GNG12: variants seen among roughly 807,000 people sequenced by gnomAD.
The protein encoded by GNG12 is G protein subunit gamma 12, also known as guanine nucleotide-binding protein G(I)/G(S)/G(O) subunit gamma-12.
For missense variants in GNG12, 69 were observed against 83.8 expected, an observed-to-expected ratio of 0.82 and a Z score of 0.69; for synonymous variants, 28 against 29.7, an observed-to-expected ratio of 0.94 and a Z score of 0.19.
chr1:67,806,912 A>G (rs563106439), intron 1 of GNG12, among the ~76,000 whole-genome samples: 6 of 152,166 alleles, frequency 3.9e-5, no homozygotes, highest in Non-Finnish European at 7.4e-5. Flanking sequence ...AGTTGAACTT[A>G]ATGGCACTAC....
intron 1 of GNG12, among the ~76,000 whole-genome samples, chr1:67,808,952 T>C (rs1378204741): frequency 6.6e-6 from 1 of 152,104 alleles, no homozygotes; most frequent in East Asian, 1.9e-4. Context: ...ATCTAAAGTA[T>C]TACGAAGAAG....
At chr1:67,815,998 G>A (rs1646951027) in intron 1 of GNG12, among the ~76,000 whole-genome samples, 1 of 152,166 alleles carries the variant, frequency 6.6e-6, no homozygotes, top group Non-Finnish European at 1.5e-5. Flanking sequence ...AGGGCTGGGT[G>A]CGGCCGGGGC....
chr1:67,815,782 C>T (rs572621744), intron 1 of GNG12, among the ~76,000 whole-genome samples: 4 of 152,194 alleles, frequency 2.6e-5, no homozygotes, highest in Non-Finnish European at 2.9e-5. Context: ...TCACAGACTC[C>T]GTAACTAGAT....
chr1:67,709,963 TATATATATAG>T (rs1646276929), intron 2 of GNG12, among the ~76,000 whole-genome samples: 1 of 41,790 alleles, frequency 2.4e-5, no homozygotes, highest in African/African-American at 8.6e-5. Flanking sequence ...TATATATAGT[TATATATATAG>T]TTATATATAT....
At chr1:67,717,526 A>G (rs1646333126) in intron 2 of GNG12, among the ~76,000 whole-genome samples, 1 of 152,138 alleles carries the variant, frequency 6.6e-6, no homozygotes, top group South Asian at 2.1e-4. Context: ...AAAAAAAAAA[A>G]AAGGACACTA....
At chr1:67,723,599 GT>G (rs1425520408) in intron 2 of GNG12, among the ~76,000 whole-genome samples, 1 of 152,104 alleles carries the variant, frequency 6.6e-6, no homozygotes, top group African/African-American at 2.4e-5. Flanking sequence ...GCCAAGCATT[GT>G]TCTAAGGGCT....
chr1:67,791,864 A>C (rs1242152868), intron 1 of GNG12, among the ~76,000 whole-genome samples: 2 of 151,982 alleles, frequency 1.3e-5, no homozygotes, highest in African/African-American at 4.8e-5. Context: ...ACACTTACTC[A>C]CGTCCACTCC....
At chr1:67,797,370 G>A (rs570869793) in intron 1 of GNG12, among the ~76,000 whole-genome samples, 35 of 152,256 alleles carry the variant, frequency 2.3e-4, no homozygotes, top group Admixed American at 6.5e-4. Context: ...GTATGTCAAT[G>A]GAAGGTGGAA....
chr1:67,759,226 T>A (rs1646588101), intron 2 of GNG12, among the ~76,000 whole-genome samples: 1 of 152,204 alleles, frequency 6.6e-6, no homozygotes, highest in East Asian at 1.9e-4. Context: ...AGCATATACA[T>A]CCCACAGTAC....
intron 1 of GNG12, among the ~76,000 whole-genome samples, chr1:67,803,558 G>A (rs1159587535): frequency 2.6e-5 from 4 of 152,168 alleles, no homozygotes; most frequent in East Asian, 1.9e-4. Flanking sequence ...CTTCATGGGT[G>A]AGCCTCCTGT....
intron 2 of GNG12, among the ~76,000 whole-genome samples, chr1:67,776,743 C>A (rs902893049): frequency 2.0e-5 from 3 of 152,124 alleles, no homozygotes; most frequent in Non-Finnish European, 2.9e-5. Flanking sequence ...AAATCACCAA[C>A]CCACAGAATG....
At chr1:67,793,468 G>C (rs903876060) in intron 1 of GNG12, among the ~76,000 whole-genome samples, 2 of 151,784 alleles carry the variant, frequency 1.3e-5, no homozygotes, top group Admixed American at 6.6e-5. Flanking sequence ...TAGGTGGTTT[G>C]TCCAAAAGAA....
At chr1:67,717,140 G>A (rs1272286786) in intron 2 of GNG12, among the ~76,000 whole-genome samples, 1 of 152,104 alleles carries the variant, frequency 6.6e-6, no homozygotes, top group Non-Finnish European at 1.5e-5. Flanking sequence ...TGAAGAAATG[G>A]CTTATGGTAT....
intron 1 of GNG12, among the ~76,000 whole-genome samples, chr1:67,804,847 G>A (rs1007311949): frequency 6.6e-6 from 1 of 152,130 alleles, no homozygotes; most frequent in African/African-American, 2.4e-5. Flanking sequence ...GGAAGGGGAA[G>A]CATGTTTGTG....
chr1:67,743,526 G>A (rs1017601338), intron 2 of GNG12, among the ~76,000 whole-genome samples: 7 of 152,142 alleles, frequency 4.6e-5, no homozygotes, highest in African/African-American at 9.7e-5. Context: ...GATAAAGACC[G>A]TGACAGGCCA....
At chr1:67,823,812 C>T (rs1646996676) in intron 1 of GNG12, among the ~76,000 whole-genome samples, 1 of 152,158 alleles carries the variant, frequency 6.6e-6, no homozygotes, top group Admixed American at 6.5e-5. Flanking sequence ...TTAAGTACAC[C>T]TTCACAAAGC....
At chr1:67,781,677 A>G (rs1557615502) in intron 1 of GNG12, among the ~76,000 whole-genome samples, 1 of 152,254 alleles carries the variant, frequency 6.6e-6, no homozygotes, top group East Asian at 1.9e-4. Context: ...AGGCCATTTG[A>G]TTGTTCAGGT....
intron 2 of GNG12, among the ~76,000 whole-genome samples, chr1:67,747,143 G>A (rs985922715): frequency 1.3e-5 from 2 of 152,066 alleles, no homozygotes; most frequent in Non-Finnish European, 2.9e-5. Context: ...TTTTTGAGAC[G>A]GACTCTTGCT....
At chr1:67,742,640 T>C (rs1646489077) in intron 2 of GNG12, among the ~76,000 whole-genome samples, 2 of 152,132 alleles carry the variant, frequency 1.3e-5, no homozygotes. Flanking sequence ...TAAAGCGATA[T>C]AAGCTATCTG....
Sources: allele counts gnomAD v4.1 joint callset (sites outside exome capture counted in the v4.1 genomes callset), GRCh38; gene constraint gnomAD v4.1.1; transcripts MANE v1.5; gene names NCBI Gene and HGNC (gene_info 2026-07-23, HGNC 2026-07-21).